The following MEF2D variants were observed in gnomAD, a reference collection of about 807,000 sequenced individuals.
MEF2D encodes the protein myocyte enhancer factor 2D.
Under a neutral mutation model 59.3 loss-of-function variants are expected in MEF2D, and 10 were observed. The observed-to-expected ratio is 0.17, with a 90% CI of 0.10 to 0.29. The LOEUF (loss-of-function observed/expected upper bound fraction) is 0.29, where lower values mean the gene tolerates loss of function less well. Ranked by LOEUF, MEF2D falls within the 10% of genes least tolerant of loss-of-function variation. The pLI is 1.00. For missense variants in MEF2D, 508 were observed against 699.4 expected, an observed-to-expected ratio of 0.73 and a Z score of 3.09; for synonymous variants, 305 against 295.0, an observed-to-expected ratio of 1.03 and a Z score of -0.35.
rs577794337 is a variant in MEF2D, at chr1:156,500,666, G to C, written c.-319C>G. 1 of 152,032 alleles carries C rather than the reference G, an allele frequency of 6.6e-6. No homozygotes were observed. Among genetic ancestry groups the C allele is most frequent in the African/African-American group, 2.4e-5 (1 of 41,518 alleles). 9.4% of individuals were successfully genotyped at this position (152,032 alleles called of 1,614,324 possible). On this transcript the variant is annotated 5_prime_UTR_variant, in exon 1 of 12. Transcript: ENST00000348159. ...CTGGGCCCCCGTCGTGGGCGCGGGG[G>C]CCAGCAGGCGGGCGGCAGGCAAGCG...
chr1:156,467,908 G>T, intron 11 of MEF2D, 85 bp downstream of exon 11: 1 of 1,489,456 alleles, frequency 6.7e-7, no homozygotes, highest in East Asian at 2.3e-5. Flanking sequence ...CCTCTTGGGT[G>T]GGAAATAAAA....
chr1:156,469,305 T>A (rs939198109), intron 9 of MEF2D, among the ~76,000 whole-genome samples: 5 of 152,334 alleles, frequency 3.3e-5, no homozygotes, highest in African/African-American at 1.2e-4. Context: ...TTGCCCAGGC[T>A]GGAGTGCAGT....
At chr1:156,498,768 T>C (rs1052855098) in intron 1 of MEF2D, among the ~76,000 whole-genome samples, 1 of 152,100 alleles carries the variant, frequency 6.6e-6, no homozygotes, top group Non-Finnish European at 1.5e-5. Flanking sequence ...CAAATGCCTA[T>C]GCTGGGGCAA....
intron 6 of MEF2D, 39 bp downstream of exon 6, chr1:156,479,251 C>T (rs771592209): frequency 6.4e-7 from 1 of 1,566,174 alleles, no homozygotes. Flanking sequence ...TGAGCGGGCA[C>T]CCCTCCCCAC....
At chr1:156,495,062 G>C (rs1471644300) in intron 1 of MEF2D, among the ~76,000 whole-genome samples, 1 of 152,178 alleles carries the variant, frequency 6.6e-6, no homozygotes, top group Non-Finnish European at 1.5e-5. Context: ...GACAGCAGGA[G>C]GGGTCTCGGA....
At position 156,466,309 on chromosome 1, in the gene MEF2D, AC is replaced by A. The variant is rs949904999; in HGVS notation, c.*1335del. The A allele has an allele frequency of 1.5e-4, 23 of 152,600 alleles. No individual in the cohort carries two copies. The highest frequency in any genetic ancestry group is 5.6e-4 in the African/African-American group (23 of 41,362). 9.5% of individuals were successfully genotyped at this position (152,600 alleles called of 1,614,324 possible). ...ATCAATACAACAACAACAAAAAAAA[AC>A]AGTTTCCTGGACTGTTACACCGCTA... is the stretch of plus-strand genomic sequence containing the variant. On this transcript the variant is annotated 3_prime_UTR_variant, in exon 12 of 12. Coordinates refer to ENST00000348159, the MANE Select transcript of MEF2D (RefSeq NM_005920.4).
chr1:156,474,804 T>TG (rs1671459759), intron 9 of MEF2D, among the ~76,000 whole-genome samples: 1 of 151,916 alleles, frequency 6.6e-6, no homozygotes, highest in South Asian at 2.1e-4. Flanking sequence ...AGTGAAACCC[T>TG]GTTCCAAAAA....
Position 156,496,139 on chromosome 1 carries a change from C to T in MEF2D, c.-139+4347G>A, listed in dbSNP as rs546091303. On this transcript the variant is annotated intron_variant, in intron 1 of 11. Transcript: ENST00000348159. ...GCTCTCAGGAAAGAGAGGCTTGTAG[C>T]CTCAGCCTCAGGAAAAGGAAAATGT... Among the ~76,000 whole-genome samples the T allele has an allele frequency of 2.6e-5, 4 of 152,314 alleles. No homozygotes were observed. The South Asian group carries it at 8.3e-4, about 32-fold the overall frequency.
At chr1:156,489,531 G>A (rs778283553) in intron 1 of MEF2D, among the ~76,000 whole-genome samples, 2 of 152,218 alleles carry the variant, frequency 1.3e-5, no homozygotes, top group Non-Finnish European at 2.9e-5. Context: ...GGGAGAGGCA[G>A]GAGACCACAG....
intron 9 of MEF2D, among the ~76,000 whole-genome samples, chr1:156,474,564 A>G (rs554812134): frequency 6.6e-6 from 1 of 152,362 alleles, no homozygotes; most frequent in East Asian, 1.9e-4. Context: ...GTAACACAGC[A>G]CTTTGGGAGA....
In MEF2D at chr1:156,466,798, A is replaced by G. The variant is rs1289876986; in HGVS notation, c.*847T>C. ...GGGGAGCTATTGCACTGTATATCTT[A>G]GAGAAAAACTGGGGAAGGGAGGGGC... is the stretch of plus-strand genomic sequence containing the variant. On this transcript the variant is annotated 3_prime_UTR_variant, in exon 12 of 12. Transcript: ENST00000348159. 6.5e-6 allele frequency: 1 copy of G among 152,780 alleles called. No homozygotes were observed. The highest frequency in any genetic ancestry group is 2.4e-5 in the African/African-American group (1 of 41,436). The allele number at this position is 152,780 out of a possible 1,614,324, so 9.5% of individuals were successfully genotyped here.
At chr1:156,479,399 G>A (rs1671834463) in intron 5 of MEF2D, 53 bp from the exon 6 acceptor site, 5 of 1,578,252 alleles carry the variant, frequency 3.2e-6, no homozygotes, top group Admixed American at 3.6e-5. Flanking sequence ...CTTCAAGAGT[G>A]AGTCTTGGGG....
chr1:156,491,228 G>A (rs1027582880), intron 1 of MEF2D, among the ~76,000 whole-genome samples: 1 of 152,214 alleles, frequency 6.6e-6, no homozygotes, highest in Non-Finnish European at 1.5e-5. Flanking sequence ...ATGTGATCCT[G>A]AGTAAGTCAC....
intron 9 of MEF2D, among the ~76,000 whole-genome samples, chr1:156,473,758 T>C (rs1307739779): frequency 6.6e-6 from 1 of 152,216 alleles, no homozygotes; most frequent in Non-Finnish European, 1.5e-5. Flanking sequence ...ACCTTTCTCA[T>C]GTCCTTAAGT....
At chr1:156,493,895 C>A (rs1672970672) in intron 1 of MEF2D, among the ~76,000 whole-genome samples, 1 of 152,098 alleles carries the variant, frequency 6.6e-6, no homozygotes, top group Non-Finnish European at 1.5e-5. Flanking sequence ...TCCCCACCCC[C>A]AGGCTGACAG....
At chr1:156,469,995 G>A (rs1307488267) in intron 9 of MEF2D, among the ~76,000 whole-genome samples, 1 of 152,208 alleles carries the variant, frequency 6.6e-6, no homozygotes, top group Non-Finnish European at 1.5e-5. Context: ...GGGGCAGAGG[G>A]GCTGCAAGGG....
At chr1:156,492,116 C>T (rs1672838820) in intron 1 of MEF2D, among the ~76,000 whole-genome samples, 1 of 152,262 alleles carries the variant, frequency 6.6e-6, no homozygotes, top group Admixed American at 6.5e-5. Context: ...AAGTGTGGCT[C>T]TGTCACTGCC....
At chr1:156,484,410 A>G (rs1672215537) in intron 1 of MEF2D, among the ~76,000 whole-genome samples, 1 of 152,234 alleles carries the variant, frequency 6.6e-6, no homozygotes, top group Non-Finnish European at 1.5e-5. Context: ...AATGAGTGTA[A>G]GCATGGCTGT....
At chr1:156,493,078 A>G (rs1281873676) in intron 1 of MEF2D, among the ~76,000 whole-genome samples, 1 of 152,194 alleles carries the variant, frequency 6.6e-6, no homozygotes, top group African/African-American at 2.4e-5. Context: ...TAAAGCAGCA[A>G]GATCCTTTCT....
Sources: allele counts gnomAD v4.1 joint callset (sites outside exome capture counted in the v4.1 genomes callset), GRCh38; gene constraint gnomAD v4.1.1; transcripts MANE v1.5; gene names NCBI Gene and HGNC (gene_info 2026-07-23, HGNC 2026-07-21).